Variants in LRRC4C observed in about 807,000 individuals in gnomAD.
The protein encoded by LRRC4C is leucine-rich repeat-containing protein 4C.
LRRC4C carries 5 observed loss-of-function variants against 33.6 expected under a neutral mutation model. The ratio of observed to expected loss-of-function variants is 0.15; its 90% CI spans 0.08 to 0.31. The LOEUF (loss-of-function observed/expected upper bound fraction) is 0.31, where lower values mean the gene tolerates loss of function less well. Among genes scored for constraint, LRRC4C ranks in the 10% least tolerant of loss-of-function variants. The pLI is 1.00. For missense variants in LRRC4C, 560 were observed against 796.7 expected, an observed-to-expected ratio of 0.70 and a Z score of 3.58; for synonymous variants, 329 against 302.0, an observed-to-expected ratio of 1.09 and a Z score of -0.93.
chr11:40,850,230 T>C (rs1475213367), intron 2 of LRRC4C, among the ~76,000 whole-genome samples: 2 of 152,092 alleles, frequency 1.3e-5, no homozygotes, highest in South Asian at 2.1e-4. Context: ...TTTTTGGAAT[T>C]TTCAGCCTTT....
At chr11:41,166,845 T>C (rs1042356388) in intron 1 of LRRC4C, among the ~76,000 whole-genome samples, 2 of 152,208 alleles carry the variant, frequency 1.3e-5, no homozygotes, top group Non-Finnish European at 2.9e-5. Flanking sequence ...GCTTACCTTA[T>C]GTGAGGCATT....
chr11:40,869,082 A>AC (rs1554981818), intron 2 of LRRC4C, among the ~76,000 whole-genome samples: 1 of 152,020 alleles, frequency 6.6e-6, no homozygotes, highest in Non-Finnish European at 1.5e-5. Flanking sequence ...GATTATTTCC[A>AC]TTTAGAAGTA....
chr11:40,250,196 A>T (rs2097192551), intron 4 of LRRC4C, among the ~76,000 whole-genome samples: 1 of 152,142 alleles, frequency 6.6e-6, no homozygotes, highest in African/African-American at 2.4e-5. Flanking sequence ...TGACTGTTAC[A>T]TCTTCAGTGT....
chr11:41,301,850 A>G (rs1950298329), intron 1 of LRRC4C, among the ~76,000 whole-genome samples: 1 of 152,158 alleles, frequency 6.6e-6, no homozygotes. Context: ...AAACTGCCCT[A>G]TATTTTTCAC....
At chr11:40,822,014 AT>A (rs1951949253) in intron 2 of LRRC4C, among the ~76,000 whole-genome samples, 1 of 151,714 alleles carries the variant, frequency 6.6e-6, no homozygotes, top group African/African-American at 2.4e-5. Flanking sequence ...TATGTTGGAG[AT>A]ATTTTAAATA....
chr11:41,380,750 T>C (rs1463859953), intron 1 of LRRC4C, among the ~76,000 whole-genome samples: 2 of 152,124 alleles, frequency 1.3e-5, no homozygotes, highest in Non-Finnish European at 2.9e-5. Context: ...GATTCACAAC[T>C]TCAAAGGGAG....
intron 4 of LRRC4C, among the ~76,000 whole-genome samples, chr11:40,253,510 A>G (rs1377106): frequency 0.79 from 120,002 of 152,154 alleles, 50,422 homozygotes; most frequent in East Asian, 0.96. Flanking sequence ...TAAAATGAGC[A>G]TAACAGTAAC....
At chr11:41,369,162 AT>A (rs1486913622) in intron 1 of LRRC4C, among the ~76,000 whole-genome samples, 1 of 152,228 alleles carries the variant, frequency 6.6e-6, no homozygotes, top group African/African-American at 2.4e-5. Flanking sequence ...ATCTAATAGA[AT>A]TTGTGTGATG....
chr11:40,507,380 A>AT (rs1955085095), intron 3 of LRRC4C, among the ~76,000 whole-genome samples: 1 of 152,110 alleles, frequency 6.6e-6, no homozygotes, highest in Non-Finnish European at 1.5e-5. Flanking sequence ...CCCTAGATAT[A>AT]TTTTTTTAAA....
intron 6 of LRRC4C, among the ~76,000 whole-genome samples, chr11:40,125,660 C>G (rs1856168173): frequency 6.6e-6 from 1 of 151,870 alleles, no homozygotes; most frequent in Non-Finnish European, 1.5e-5. Flanking sequence ...TCAAAGGAAA[C>G]AAGTTAAGGT....
At chr11:41,340,596 G>A (rs1182991033) in intron 1 of LRRC4C, among the ~76,000 whole-genome samples, 1 of 152,104 alleles carries the variant, frequency 6.6e-6, no homozygotes, top group Non-Finnish European at 1.5e-5. Context: ...TTATGTGTTT[G>A]GGGCCCTTAT....
chr11:41,363,368 A>C (rs753836081), intron 1 of LRRC4C, among the ~76,000 whole-genome samples: 7 of 152,222 alleles, frequency 4.6e-5, no homozygotes, highest in South Asian at 2.1e-4. Context: ...ATTTGCGGAT[A>C]TATAAACAGC....
intron 1 of LRRC4C, among the ~76,000 whole-genome samples, chr11:41,021,200 A>AGT (rs1565308639): frequency 3.0e-5 from 1 of 33,084 alleles, no homozygotes; most frequent in African/African-American, 5.8e-5. Flanking sequence ...AGAGAGAGAG[A>AGT]GAGAGAGAGA....
chr11:40,658,095 A>G (rs1943226162), intron 2 of LRRC4C, among the ~76,000 whole-genome samples: 1 of 152,226 alleles, frequency 6.6e-6, no homozygotes, highest in Non-Finnish European at 1.5e-5. Context: ...TCATTAAAAT[A>G]AAGAATGTTA....
chr11:40,146,439 C>G (rs118109868), intron 5 of LRRC4C, among the ~76,000 whole-genome samples: 4 of 152,104 alleles, frequency 2.6e-5, no homozygotes, highest in Non-Finnish European at 5.9e-5. Flanking sequence ...AAGTTATACC[C>G]GCTGAGGGGA....
At chr11:40,313,962 A>G (rs1488411940) in intron 4 of LRRC4C, among the ~76,000 whole-genome samples, 1 of 152,050 alleles carries the variant, frequency 6.6e-6, no homozygotes, top group Non-Finnish European at 1.5e-5. Flanking sequence ...TTTATGAATA[A>G]GACCTCAACA....
chr11:40,751,101 A>G (rs6485228), intron 2 of LRRC4C, among the ~76,000 whole-genome samples: 2,662 of 152,220 alleles, frequency 0.017, 87 homozygotes, highest in African/African-American at 0.061. Context: ...TAATCTATAC[A>G]TAAGAGGAAC....
intron 4 of LRRC4C, among the ~76,000 whole-genome samples, chr11:40,281,160 A>G (rs1943449286): frequency 6.6e-6 from 1 of 152,116 alleles, no homozygotes; most frequent in Admixed American, 6.5e-5. Context: ...AACGTTCAAA[A>G]CAATACAGAG....
intron 3 of LRRC4C, among the ~76,000 whole-genome samples, chr11:40,340,178 A>G (rs1946804127): frequency 6.6e-6 from 1 of 152,030 alleles, no homozygotes; most frequent in Non-Finnish European, 1.5e-5. Context: ...TTCATATCCT[A>G]TTTTCCAGCA....
Sources: allele counts gnomAD v4.1 joint callset (sites outside exome capture counted in the v4.1 genomes callset), GRCh38; gene constraint gnomAD v4.1.1; transcripts MANE v1.5; gene names NCBI Gene and HGNC (gene_info 2026-07-23, HGNC 2026-07-21).